Variants in SLC25A16 observed in about 807,000 individuals in gnomAD.
The protein encoded by SLC25A16 is solute carrier family 25 member 16.
In SLC25A16, 39 loss-of-function variants were observed where a neutral mutation model predicts 41.5. The ratio of observed to expected loss-of-function variants is 0.94; its 90% CI spans 0.73 to 1.23. SLC25A16 has a LOEUF of 1.23. Ranked by LOEUF, SLC25A16 falls within the 50% of genes most tolerant of loss-of-function variation. The pLI is 0.00. For synonymous variants in SLC25A16, 146 were observed against 147.8 expected (o/e 0.99, Z 0.09); for missense variants, 421 against 426.9 (o/e 0.99, Z 0.12).
At position 68,478,551 on chromosome 10, in the gene SLC25A16, A is replaced by G. The variant is rs979787625; in HGVS notation, c.*4881T>C. On this transcript the variant is annotated 3_prime_UTR_variant, in exon 9 of 9. Coordinates refer to ENST00000609923, the MANE Select transcript of SLC25A16 (RefSeq NM_152707.4). Reference sequence around the variant, plus strand: ...ATAGGGTTTTTTAAAAAAACATTTTATATAAAAAAATGAGACAGAGTCTTG... The same window carrying G: ...ATAGGGTTTTTTAAAAAAACATTTTGTATAAAAAAATGAGACAGAGTCTTG... 3.9e-5 allele frequency: 6 copies of G among 152,048 alleles called. No homozygotes were observed. The highest frequency in any genetic ancestry group is 1.2e-4 in the African/African-American group (5 of 41,430). 9.4% of individuals were successfully genotyped at this position (152,048 alleles called of 1,614,324 possible). A position where few individuals can be genotyped will look rare whatever the true frequency, so the allele number is the denominator to read the frequency against.
chr10:68,480,284 AAC>A lies in SLC25A16; in HGVS notation c.*3146_*3147del, dbSNP rs1305850115. ...GGCAATCTGAAATAAATCAGATATA[AAC>A]ACAGTCATTATTTTAAATATTCTTC... On this transcript the variant is annotated 3_prime_UTR_variant, in exon 9 of 9. Transcript: ENST00000609923. The A allele has an allele frequency of 1.3e-5, 2 of 152,170 alleles. No individual in the cohort carries two copies. The highest frequency in any genetic ancestry group is 2.4e-5 in the African/African-American group (1 of 41,448). 9.4% of individuals were successfully genotyped at this position (152,170 alleles called of 1,614,324 possible).
At chr10:68,499,965 ATAAAG>A (rs562026576) in intron 4 of SLC25A16, 133 of 525,978 alleles carry the variant, frequency 2.5e-4, no homozygotes, top group African/African-American at 2.4e-3. Context: ...AGAGGCAGGA[ATAAAG>A]TAATCTTATA....
intron 4 of SLC25A16, among the ~76,000 whole-genome samples, chr10:68,501,779 G>C (rs931552910): frequency 6.6e-6 from 1 of 152,030 alleles, no homozygotes; most frequent in Non-Finnish European, 1.5e-5. Context: ...TGGCAAAAAA[G>C]TTACGTGAGC....
chr10:68,491,235 TTC>T (rs2052652427), intron 6 of SLC25A16, among the ~76,000 whole-genome samples: 1 of 151,942 alleles, frequency 6.6e-6, no homozygotes, highest in African/African-American at 2.4e-5. Flanking sequence ...CTTTTTTTTT[TTC>T]TTTTTTGAGA....
intron 4 of SLC25A16, among the ~76,000 whole-genome samples, chr10:68,497,497 A>G (rs953447475): frequency 6.6e-6 from 1 of 152,280 alleles, no homozygotes; most frequent in South Asian, 2.1e-4. Flanking sequence ...ATGTTCTTAG[A>G]GTAGGATCTA....
chr10:68,519,850 G>A (rs1590127820), intron 1 of SLC25A16, among the ~76,000 whole-genome samples: 3 of 151,580 alleles, frequency 2.0e-5, no homozygotes, highest in Admixed American at 2.0e-4. Context: ...GGGAGGCATA[G>A]GTGGCAGTGA....
intron 2 of SLC25A16, among the ~76,000 whole-genome samples, chr10:68,507,070 C>CTTTTTTTTTTTTT (rs71019019): frequency 8.6e-6 from 1 of 115,634 alleles, no homozygotes; most frequent in African/African-American, 3.2e-5. Context: ...ATGACCTACT[C>CTTTTTTTTTTTTT]TTTTTTTTTT....
intron 8 of SLC25A16, among the ~76,000 whole-genome samples, chr10:68,486,231 C>T (rs140500570): frequency 1.2e-5 from 1 of 85,058 alleles, no homozygotes; most frequent in Non-Finnish European, 2.5e-5. Context: ...AAAAACAAAA[C>T]AAAAAAAAAA....
chr10:68,483,231 T>C lies in SLC25A16; in HGVS notation c.*201A>G, dbSNP rs1372906629. ...CTTAGGAATATTTTCTTCAATGTTC[T>C]AAGGTATAATGTTTGGCATCAAAAA... On this transcript the variant is annotated 3_prime_UTR_variant, in exon 9 of 9. Coordinates refer to ENST00000609923, the MANE Select transcript of SLC25A16 (RefSeq NM_152707.4). The C allele has an allele frequency of 4.4e-6, 2 of 450,014 alleles. No individual in the cohort carries two copies. Among genetic ancestry groups the C allele is most frequent in the Non-Finnish European group, 7.9e-6 (2 of 254,512 alleles). 27.9% of individuals were successfully genotyped at this position (450,014 alleles called of 1,614,324 possible).
At chr10:68,518,647 G>C (rs1172438051) in intron 1 of SLC25A16, among the ~76,000 whole-genome samples, 1 of 151,694 alleles carries the variant, frequency 6.6e-6, no homozygotes, top group Non-Finnish European at 1.5e-5. Flanking sequence ...GGTGGTGCGT[G>C]CATGTAATCC....
chr10:68,496,952 A>G (rs1277235389), intron 4 of SLC25A16, among the ~76,000 whole-genome samples: 2 of 152,186 alleles, frequency 1.3e-5, no homozygotes, highest in Non-Finnish European at 2.9e-5. Flanking sequence ...CTGGGATCAC[A>G]GGTGTGCATC....
intron 1 of SLC25A16, among the ~76,000 whole-genome samples, chr10:68,525,866 C>T (rs1198440391): frequency 3.3e-5 from 5 of 152,120 alleles, no homozygotes; most frequent in African/African-American, 1.2e-4. Flanking sequence ...AAGGGCGGTG[C>T]AAGATGTGCT....
intron 1 of SLC25A16, among the ~76,000 whole-genome samples, chr10:68,524,826 G>A (rs1365495563): frequency 6.6e-6 from 1 of 151,512 alleles, no homozygotes; most frequent in Non-Finnish European, 1.5e-5. Context: ...GCAGTGAGCA[G>A]AGATCGTGCC....
chr10:68,525,532 G>C (rs1422419400), intron 1 of SLC25A16, among the ~76,000 whole-genome samples: 1 of 152,088 alleles, frequency 6.6e-6, no homozygotes, highest in Admixed American at 6.6e-5. Flanking sequence ...TGGCTTACTG[G>C]AGCCTCGATC....
intron 6 of SLC25A16, 136 bp from the exon 7 acceptor site, chr10:68,488,765 T>G (rs969240861): frequency 1.4e-6 from 1 of 715,522 alleles, no homozygotes; most frequent in Non-Finnish European, 2.2e-6. Flanking sequence ...TTTGTGTACA[T>G]AAATAACCTA....
intron 1 of SLC25A16, among the ~76,000 whole-genome samples, chr10:68,524,018 A>G (rs1564931731): frequency 1.3e-5 from 2 of 148,424 alleles, no homozygotes; most frequent in East Asian, 2.0e-4. Flanking sequence ...GGTGGATCAC[A>G]AGGTCAAAAG....
chr10:68,509,750 T>TATATATATATAGATAG (rs2053026425), intron 2 of SLC25A16, among the ~76,000 whole-genome samples: 4 of 134,358 alleles, frequency 3.0e-5, no homozygotes, highest in Admixed American at 2.3e-4. Flanking sequence ...TATCTATATA[T>TATATATATATAGATAG]ATAGATATAT....
chr10:68,527,404 G>A lies in SLC25A16; in HGVS notation c.-29C>T. The A allele has an allele frequency of 6.9e-7, 1 of 1,450,148 alleles. No homozygotes were observed. The highest frequency in any genetic ancestry group is 9.0e-7 in the Non-Finnish European group (1 of 1,111,606). The allele number at this position is 1,450,148 out of a possible 1,614,324, so 89.8% of individuals were successfully genotyped here. A position where few individuals can be genotyped will look rare whatever the true frequency, so the allele number is the denominator to read the frequency against. On this transcript the variant is annotated 5_prime_UTR_variant, in exon 1 of 9. Transcript: ENST00000609923. ...GACCAGGGTCGCGTCAGGAGCCTAG[G>A]TTGCCAACTTACAGAACACCGGACG...
chr10:68,514,842 A>G (rs1350334384), intron 2 of SLC25A16, among the ~76,000 whole-genome samples: 2 of 151,774 alleles, frequency 1.3e-5, no homozygotes, highest in Admixed American at 6.6e-5. Context: ...GATTCAAGCT[A>G]TTCTCCTGCC....
Sources: gnomAD v4.1 joint callset for allele counts (sites outside exome capture counted in the v4.1 genomes callset) on GRCh38, gnomAD v4.1.1 for gene constraint, MANE v1.5 for transcripts, NCBI Gene and HGNC (gene_info 2026-07-23, HGNC 2026-07-21) for gene names.